The following RELCH variants were observed in gnomAD, a reference collection of about 807,000 sequenced individuals.
The protein encoded by RELCH is RAB11-binding protein RELCH.
In RELCH, 41 loss-of-function variants were observed where a neutral mutation model predicts 150.3. The ratio of observed to expected loss-of-function variants is 0.27; its 90% CI spans 0.21 to 0.35. The LOEUF is 0.35. Among genes scored for constraint, RELCH ranks in the 10% least tolerant of loss-of-function variants. The probability of loss-of-function intolerance (pLI) is 1.00; values close to 1 mark genes in which losing one functional copy is unlikely to be tolerated. For missense variants in RELCH, 1,092 were observed against 1,467.8 expected, an observed-to-expected ratio of 0.74 and a Z score of 4.18; for synonymous variants, 478 against 531.8, an observed-to-expected ratio of 0.90 and a Z score of 1.39.
At chr18:62,298,226 T>C (rs1283595499) in intron 27 of RELCH, among the ~76,000 whole-genome samples, 1 of 152,180 alleles carries the variant, frequency 6.6e-6, no homozygotes, top group African/African-American at 2.4e-5. Context: ...TGCCAGATAT[T>C]AGAGCAGCAG....
chr18:62,298,991 T>C (rs1380836006), intron 28 of RELCH, 131 bp downstream of exon 28: 3 of 581,710 alleles, frequency 5.2e-6, no homozygotes, highest in Non-Finnish European at 9.2e-6. Context: ...AGAAAATGAT[T>C]TAAGTCATTG....
intron 20 of RELCH, among the ~76,000 whole-genome samples, chr18:62,271,384 G>A (rs965322683): frequency 1.3e-5 from 2 of 152,300 alleles, no homozygotes; most frequent in Non-Finnish European, 2.9e-5. Context: ...CTGCATAAAT[G>A]TCTTCTTTTG....
At chr18:62,201,065 C>A (rs1238489459) in intron 1 of RELCH, among the ~76,000 whole-genome samples, 1 of 149,674 alleles carries the variant, frequency 6.7e-6, no homozygotes, top group Non-Finnish European at 1.5e-5. Flanking sequence ...CCTCCGCCTC[C>A]CAGGTTCCAG....
rs1163135862 is a variant in RELCH at position 62,275,488 on chromosome 18, G to GCT, written c.2967+16_2967+17insTC. On this transcript the variant is annotated intron_variant, in intron 22 of 28. Transcript: ENST00000644646. Reference sequence around the variant, plus strand: ...GAATGTTTGAGGTATGTCAACACATGCCTCTGTTGGTTTCAATTATAATGA... The same window carrying GCT: ...GAATGTTTGAGGTATGTCAACACATGCTCCTCTGTTGGTTTCAATTATAATGA... The GCT allele has an allele frequency of 6.8e-7, 1 of 1,472,144 alleles. No individual in the cohort carries two copies. Among genetic ancestry groups the GCT allele is most frequent in the Non-Finnish European group, 9.5e-7 (1 of 1,053,272 alleles). The allele number at this position is 1,472,144 out of a possible 1,614,324, so 91.2% of individuals were successfully genotyped here.
At chr18:62,193,339 T>A (rs934040483) in intron 1 of RELCH, among the ~76,000 whole-genome samples, 1 of 152,222 alleles carries the variant, frequency 6.6e-6, no homozygotes, top group African/African-American at 2.4e-5. Context: ...CCTCGCCTCC[T>A]ATTTGAATAC....
intron 12 of RELCH, chr18:62,254,561 TC>T (rs1200549198): frequency 6.6e-6 from 1 of 152,136 alleles, no homozygotes; most frequent in Non-Finnish European, 1.5e-5. Context: ...TTCAAAGATG[TC>T]AGTTATAAAC....
At chr18:62,285,173 T>C (rs564784716) in intron 25 of RELCH, among the ~76,000 whole-genome samples, 1 of 152,250 alleles carries the variant, frequency 6.6e-6, no homozygotes, top group East Asian at 1.9e-4. Flanking sequence ...AGTCTTGCTC[T>C]GTCACCCAGG....
At chr18:62,284,826 A>G (rs1337725039) in intron 25 of RELCH, among the ~76,000 whole-genome samples, 1 of 152,162 alleles carries the variant, frequency 6.6e-6, no homozygotes, top group African/African-American at 2.4e-5. Context: ...GTTAGTTATC[A>G]CAGGACCTTT....
intron 1 of RELCH, among the ~76,000 whole-genome samples, chr18:62,204,169 C>CT (rs1280044587): frequency 1.3e-5 from 2 of 151,878 alleles, no homozygotes; most frequent in Non-Finnish European, 1.5e-5. Context: ...CTTCTATGTA[C>CT]TTTTATTTTA....
intron 15 of RELCH, among the ~76,000 whole-genome samples, chr18:62,260,375 C>CA (rs201786752): frequency 0.078 from 7,884 of 100,976 alleles, 287 homozygotes; most frequent in African/African-American, 0.14. Flanking sequence ...ATTAAAAAGA[C>CA]AAAAAAAAAA....
intron 1 of RELCH, among the ~76,000 whole-genome samples, chr18:62,195,418 T>G (rs1277005830): frequency 6.6e-6 from 1 of 152,094 alleles, no homozygotes; most frequent in African/African-American, 2.4e-5. Context: ...TGATGAACAC[T>G]GAGCAGGTTA....
chr18:62,208,008 A>T (rs893002668), intron 1 of RELCH, among the ~76,000 whole-genome samples: 2 of 152,244 alleles, frequency 1.3e-5, no homozygotes, highest in Non-Finnish European at 2.9e-5. Context: ...ACCACTTTAC[A>T]TTAAGAAGAG....
At position 62,307,527 on chromosome 18, in the gene RELCH, T is replaced by G. The variant is rs2045914465; in HGVS notation, c.*1993T>G. 1 of 152,168 alleles carries G rather than the reference T, an allele frequency of 6.6e-6. No individual in the cohort carries two copies. Among genetic ancestry groups the G allele is most frequent in the Admixed American group, 6.5e-5 (1 of 15,276 alleles). The allele number at this position is 152,168 out of a possible 1,614,324, so 9.4% of individuals were successfully genotyped here. ...AGTGAGAGTCTCTTTTCTTAAATATTTTAATATCATTAAGATTTCACATTG... is the reference window on the plus strand; with the variant it reads ...AGTGAGAGTCTCTTTTCTTAAATATGTTAATATCATTAAGATTTCACATTG... On this transcript the variant is annotated 3_prime_UTR_variant, in exon 29 of 29. Transcript: ENST00000644646.
intron 4 of RELCH, 35 bp from the exon 5 acceptor site, chr18:62,221,349 T>TA: frequency 6.5e-7 from 1 of 1,546,272 alleles, no homozygotes; most frequent in Non-Finnish European, 8.9e-7. Context: ...GAGGAATACT[T>TA]ATGATTTCCT....
intron 3 of RELCH, 21 bp downstream of exon 3, chr18:62,221,129 T>C (rs1372644734): frequency 6.2e-7 from 1 of 1,611,212 alleles, no homozygotes; most frequent in Non-Finnish European, 8.5e-7. Flanking sequence ...TAAAACTTTT[T>C]TGAGACTTTT....
intron 27 of RELCH, among the ~76,000 whole-genome samples, chr18:62,293,366 C>T (rs562151399): frequency 9.2e-5 from 14 of 152,260 alleles, no homozygotes; most frequent in Non-Finnish European, 1.9e-4. Flanking sequence ...ATTGATGTTT[C>T]AGGCTTCAGT....
At chr18:62,230,135 G>A (rs2041478972) in intron 8 of RELCH, among the ~76,000 whole-genome samples, 1 of 151,986 alleles carries the variant, frequency 6.6e-6, no homozygotes, top group African/African-American at 2.4e-5. Context: ...AAGATTATTA[G>A]AAGTTAAAAG....
intron 1 of RELCH, among the ~76,000 whole-genome samples, chr18:62,196,283 G>A (rs2039038747): frequency 6.6e-6 from 1 of 152,126 alleles, no homozygotes; most frequent in South Asian, 2.1e-4. Flanking sequence ...AAACTGGAGT[G>A]CAGTGGCACA....
chr18:62,219,771 T>A (rs903728181), intron 2 of RELCH, among the ~76,000 whole-genome samples: 2 of 152,068 alleles, frequency 1.3e-5, no homozygotes, highest in Non-Finnish European at 1.5e-5. Flanking sequence ...ATAATTGGCC[T>A]TTGTGTACTA....
Sources: allele counts gnomAD v4.1 joint callset (sites outside exome capture counted in the v4.1 genomes callset), GRCh38; gene constraint gnomAD v4.1.1; transcripts MANE v1.5; gene names NCBI Gene and HGNC (gene_info 2026-07-23, HGNC 2026-07-21).